The following MATN2 variants were observed in gnomAD, a reference collection of about 807,000 sequenced individuals.
MATN2 encodes matrilin-2.
MATN2 carries 69 observed loss-of-function variants against 103.2 expected under a neutral mutation model. That is an observed-to-expected ratio of 0.67 (90% CI 0.55 to 0.82). The LOEUF is 0.82. Ranked by LOEUF, MATN2 falls within the 40% of genes least tolerant of loss-of-function variation. The probability of loss-of-function intolerance (pLI) is 0.00; values close to 1 mark genes in which losing one functional copy is unlikely to be tolerated. For synonymous variants in MATN2, 429 were observed against 450.2 expected (o/e 0.95, Z 0.60); for missense variants, 1,023 against 1,211.5 (o/e 0.84, Z 2.31).
At chr8:97,967,571 A>C (rs1811523841) in intron 5 of MATN2, among the ~76,000 whole-genome samples, 1 of 152,266 alleles carries the variant, frequency 6.6e-6, no homozygotes, top group African/African-American at 2.4e-5. Context: ...TTTGAAACCC[A>C]GAAGGGCAGC....
chr8:98,011,731 T>G (rs1007450507), intron 10 of MATN2, among the ~76,000 whole-genome samples: 5 of 152,214 alleles, frequency 3.3e-5, no homozygotes, highest in Non-Finnish European at 7.3e-5. Flanking sequence ...TCTCTGGGGT[T>G]GGGGTTGGTT....
chr8:97,911,185 G>GT (rs1256009605), intron 2 of MATN2, among the ~76,000 whole-genome samples: 3 of 151,420 alleles, frequency 2.0e-5, no homozygotes, highest in Non-Finnish European at 2.9e-5. Context: ...TAGAGACGGG[G>GT]TCTCACCATA....
At chr8:97,906,694 T>C (rs1355083541) in intron 2 of MATN2, among the ~76,000 whole-genome samples, 1 of 152,230 alleles carries the variant, frequency 6.6e-6, no homozygotes, top group Non-Finnish European at 1.5e-5. Flanking sequence ...ACTGAATGCC[T>C]GTGTGCAGAT....
At position 98,016,620 on chromosome 8, in the gene MATN2, T is replaced by G; in HGVS notation, c.1654T>G (p.Phe552Val). The G allele has an allele frequency of 6.2e-7, 1 of 1,612,420 alleles. No individual in the cohort carries two copies. The highest frequency in any genetic ancestry group is 8.5e-7 in the Non-Finnish European group (1 of 1,179,114). Residue 552 changes from phenylalanine (F) to valine (V), a missense_variant, in exon 11 of 19, where the codon TTT becomes GTT. Phe to Val is a conservative substitution (Grantham distance 50). Transcript: ENST00000254898. ...TGAAGATTCGTTTGTGTGCCAGTGC[T>G]TTGAAGGTTATATACTCCGTGAAGA... is the stretch of plus-strand genomic sequence containing the variant. The part of the protein sequence containing the change: ...SSEDSFVCQC[F>V]EGYILREDGK...
intron 2 of MATN2, among the ~76,000 whole-genome samples, chr8:97,891,654 C>T (rs1456083103): frequency 4.6e-5 from 7 of 152,008 alleles, no homozygotes; most frequent in Admixed American, 4.6e-4. Context: ...TATTAAGGAT[C>T]CCAAATAACT....
chr8:97,900,715 C>A (rs1818950335), intron 2 of MATN2, among the ~76,000 whole-genome samples: 1 of 152,266 alleles, frequency 6.6e-6, no homozygotes, highest in Middle Eastern at 3.4e-3. Context: ...GTGGGCGGAT[C>A]ACGAGGTCAG....
At chr8:97,899,676 C>A (rs1157791880) in intron 2 of MATN2, among the ~76,000 whole-genome samples, 1 of 152,184 alleles carries the variant, frequency 6.6e-6, no homozygotes, top group African/African-American at 2.4e-5. Context: ...TTAATCACAT[C>A]TTTGAAGACC....
chr8:97,945,795 T>C lies in MATN2; in HGVS notation c.835+3896T>C, dbSNP rs867115914. Among the ~76,000 whole-genome samples, 67 of 151,496 alleles carry C rather than the reference T, an allele frequency of 4.4e-4. 1 individual carries two copies. The highest frequency in any genetic ancestry group is 3.4e-3 in the Middle Eastern group (1 of 290). ...GGAGAGGGAAAGCAGACACAGTTGATCCACACATTCTTTGAATGGTGATGG... is the reference window on the plus strand; with the variant it reads ...GGAGAGGGAAAGCAGACACAGTTGACCCACACATTCTTTGAATGGTGATGG... On this transcript the variant is annotated intron_variant, in intron 4 of 18. Coordinates refer to ENST00000254898, the MANE Select transcript of MATN2 (RefSeq NM_002380.5).
chr8:97,888,232 G>T lies in MATN2; in HGVS notation c.132G>T (p.Thr44=). 6.4e-7 allele frequency: 1 copy of T among 1,557,960 alleles called. No homozygotes were observed. ...RGRHARTHPQ[T]ALLESSCENK... is the part of the protein sequence containing the mutation. ...GACACGCTCGGACCCACCCGCAGAC[G>T]GCCCTTCTGGGTGAGTGGTGGTGCT... The change falls in exon 2 of 19, where the codon ACG becomes ACT. Residue 44 remains threonine (T), a synonymous_variant. Coordinates refer to ENST00000254898, the MANE Select transcript of MATN2 (RefSeq NM_002380.5).
intron 4 of MATN2, among the ~76,000 whole-genome samples, chr8:97,944,425 GCTCT>G (rs890539735): frequency 6.6e-6 from 1 of 152,194 alleles, no homozygotes; most frequent in African/African-American, 2.4e-5. Flanking sequence ...ATAAAGAACA[GCTCT>G]CTCTCTTTCA....
intron 2 of MATN2, among the ~76,000 whole-genome samples, chr8:97,924,831 C>G (rs550473312): frequency 1.3e-5 from 2 of 152,040 alleles, no homozygotes; most frequent in South Asian, 4.2e-4. Context: ...GCCAATCCAG[C>G]CCTGGTGCAT....
At chr8:97,969,731 C>T (rs1051291488) in intron 5 of MATN2, among the ~76,000 whole-genome samples, 3 of 152,180 alleles carry the variant, frequency 2.0e-5, no homozygotes, top group African/African-American at 4.8e-5. Flanking sequence ...AAGCCATCAA[C>T]TTGAGTCACA....
At chr8:97,994,447 T>C in intron 6 of MATN2, 33 bp from the exon 7 acceptor site, 1 of 1,588,966 alleles carries the variant, frequency 6.3e-7, no homozygotes, top group Non-Finnish European at 8.5e-7. Context: ...TATTGATTGG[T>C]TTGCCATTCT....
At chr8:97,944,326 C>T (rs1315922178) in intron 4 of MATN2, among the ~76,000 whole-genome samples, 1 of 152,248 alleles carries the variant, frequency 6.6e-6, no homozygotes, top group Non-Finnish European at 1.5e-5. Context: ...CAGAGCTCTG[C>T]TGTCCCGTCT....
chr8:97,951,621 TTTAAATAAGATCTCTCCCTGG>T (rs1252055182), intron 4 of MATN2, among the ~76,000 whole-genome samples: 1 of 152,212 alleles, frequency 6.6e-6, no homozygotes, highest in East Asian at 1.9e-4. Context: ...ACTTAGATGT[TTTAAATAAGATCTCTCCCTGG>T]CAGCATCCAC....
chr8:98,010,612 TGAG>T (rs1563724641), intron 10 of MATN2, among the ~76,000 whole-genome samples: 3 of 152,176 alleles, frequency 2.0e-5, no homozygotes, highest in Admixed American at 6.5e-5. Context: ...CCCCCTGCAC[TGAG>T]GAGACTCAGA....
intron 4 of MATN2, among the ~76,000 whole-genome samples, chr8:97,954,180 T>G (rs1811064590): frequency 6.6e-6 from 1 of 152,108 alleles, no homozygotes; most frequent in Admixed American, 6.5e-5. Flanking sequence ...ACCCCTACCC[T>G]TTCTGAGGAG....
Position 97,978,970 on chromosome 8 carries a change from A to G in MATN2, c.1043A>G (p.Glu348Gly), listed in dbSNP as rs748949867. 2 of 1,613,616 alleles carry G rather than the reference A, an allele frequency of 1.2e-6. No homozygotes were observed. Among genetic ancestry groups the G allele is most frequent in the East Asian group, 2.2e-5 (1 of 44,880 alleles). The part of the protein sequence containing the change: ...ADGSYLCQCH[E>G]GFALNPDKKT... ...GGCTCCTACCTTTGCCAGTGCCATG[A>G]AGGATTTGCTCTTAACCCAGATAAA... is the stretch of plus-strand genomic sequence containing the variant. The change falls in exon 6 of 19, where the codon GAA becomes GGA. Residue 348 changes from glutamate to glycine, a missense_variant. By Grantham distance (98) the Glu-to-Gly change is moderately conservative (BLOSUM62 -2). Transcript: ENST00000254898.
chr8:97,991,233 T>G (rs1812378688), intron 6 of MATN2, among the ~76,000 whole-genome samples: 1 of 152,134 alleles, frequency 6.6e-6, no homozygotes, highest in South Asian at 2.1e-4. Context: ...ACCCAGTAAC[T>G]GAATTTTTGT....
Sources: allele counts gnomAD v4.1 joint callset (sites outside exome capture counted in the v4.1 genomes callset), GRCh38; gene constraint gnomAD v4.1.1; transcripts MANE v1.5; gene names NCBI Gene and HGNC (gene_info 2026-07-23, HGNC 2026-07-21).